The following RASGEF1B variants were observed in gnomAD, a reference collection of about 807,000 sequenced individuals.
The protein encoded by RASGEF1B is ras-GEF domain-containing family member 1B.
RASGEF1B carries 30 observed loss-of-function variants against 65.7 expected under a neutral mutation model. The observed-to-expected ratio is 0.46, with a 90% CI of 0.34 to 0.62. RASGEF1B has a LOEUF of 0.62. Among genes scored for constraint, RASGEF1B ranks in the 20% least tolerant of loss-of-function variants. The pLI is 0.01. For synonymous variants in RASGEF1B, 175 were observed against 194.8 expected, an observed-to-expected ratio of 0.90 and a Z score of 0.85; for missense variants, 495 against 580.1, an observed-to-expected ratio of 0.85 and a Z score of 1.51.
At chr4:81,442,515 T>C in intron 8 of RASGEF1B, 139 bp from the exon 9 acceptor site, 1 of 632,578 alleles carries the variant, frequency 1.6e-6, no homozygotes, top group Non-Finnish European at 2.8e-6. Context: ...TCCAATTTTA[T>C]AACTTTTTTT....
intron 8 of RASGEF1B, among the ~76,000 whole-genome samples, chr4:81,442,717 A>G (rs761381285): frequency 1.4e-4 from 22 of 152,262 alleles, no homozygotes; most frequent in Non-Finnish European, 2.6e-4. Flanking sequence ...AGATAACTAC[A>G]TAAACAAATG....
At chr4:81,447,645 T>C (rs1413184140) in intron 5 of RASGEF1B, 67 bp from the exon 6 acceptor site, 1 of 1,158,252 alleles carries the variant, frequency 8.6e-7, no homozygotes, top group Non-Finnish European at 1.3e-6. Flanking sequence ...GTCAACTCCC[T>C]CTATGACTAT....
chr4:81,433,810 C>G, intron 12 of RASGEF1B, 30 bp downstream of exon 12: 1 of 1,607,142 alleles, frequency 6.2e-7, no homozygotes, highest in Non-Finnish European at 8.5e-7. Flanking sequence ...TTTGGGGATG[C>G]TAGTGGTAGC....
chr4:81,448,960 A>T (rs937096581), intron 4 of RASGEF1B, among the ~76,000 whole-genome samples: 1 of 152,068 alleles, frequency 6.6e-6, no homozygotes, highest in African/African-American at 2.4e-5. Context: ...GATTACAGGC[A>T]TGTGCCACCA....
At chr4:81,458,742 A>G (rs1379225397) in intron 2 of RASGEF1B, among the ~76,000 whole-genome samples, 2 of 152,178 alleles carry the variant, frequency 1.3e-5, no homozygotes, top group East Asian at 1.9e-4. Flanking sequence ...AACACTCTGA[A>G]TCGTTTTCTC....
chr4:81,456,292 G>GT (rs1343941970), intron 4 of RASGEF1B: 1 of 577,396 alleles, frequency 1.7e-6, no homozygotes, highest in Non-Finnish European at 3.0e-6. Context: ...ATCCACTAGT[G>GT]TTTATGTCTA....
At chr4:81,459,094 G>T in intron 2 of RASGEF1B, 1 of 418,654 alleles carries the variant, frequency 2.4e-6, no homozygotes, top group Non-Finnish European at 4.2e-6. Flanking sequence ...GATGGTATCA[G>T]ACCATCTACA....
intron 13 of RASGEF1B, among the ~76,000 whole-genome samples, chr4:81,429,604 C>T (rs998163002): frequency 6.6e-6 from 1 of 152,206 alleles, no homozygotes; most frequent in Admixed American, 6.5e-5. Flanking sequence ...CTATAAAAAC[C>T]CGAGACCGCC....
At chr4:81,466,817 A>AGAAAGAAAGAAAGAAAGAAAGAAAG (rs1553947168) in intron 1 of RASGEF1B, among the ~76,000 whole-genome samples, 2 of 149,606 alleles carry the variant, frequency 1.3e-5, no homozygotes, top group African/African-American at 5.0e-5. Context: ...AAAGAAAGAA[A>AGAAAGAAAGAAAGAAAGAAAGAAAG]GAAAGAAAAT....
At chr4:81,465,902 G>A (rs897061127) in intron 1 of RASGEF1B, among the ~76,000 whole-genome samples, 1 of 152,060 alleles carries the variant, frequency 6.6e-6, no homozygotes, top group Non-Finnish European at 1.5e-5. Flanking sequence ...GAAAGAGACA[G>A]AAAATGTAAG....
Position 81,427,124 on chromosome 4 carries a change from G to C in RASGEF1B, c.*644C>G, listed in dbSNP as rs1560689273. On this transcript the variant is annotated 3_prime_UTR_variant, in exon 14 of 14. Transcript: ENST00000264400. ...CATTATTATATTAAATAACTTATATGGGTAAAAAGGAGTTTGCTAACCAGC... is the reference window on the plus strand; with the variant it reads ...CATTATTATATTAAATAACTTATATCGGTAAAAAGGAGTTTGCTAACCAGC... 2 of 152,068 alleles carry C rather than the reference G, an allele frequency of 1.3e-5. No homozygotes were observed. Among genetic ancestry groups the C allele is most frequent in the Admixed American group, 1.3e-4 (2 of 15,212 alleles). 9.4% of individuals were successfully genotyped at this position (152,068 alleles called of 1,614,324 possible). A position where few individuals can be genotyped will look rare whatever the true frequency, so the allele number is the denominator to read the frequency against.
chr4:81,444,826 G>A (rs1034699999), intron 8 of RASGEF1B, among the ~76,000 whole-genome samples: 6 of 152,196 alleles, frequency 3.9e-5, no homozygotes, highest in Non-Finnish European at 7.3e-5. Context: ...GAGCCACTGT[G>A]CCCAGCCTAT....
chr4:81,428,651 T>C (rs1721311796), intron 13 of RASGEF1B, among the ~76,000 whole-genome samples: 1 of 152,260 alleles, frequency 6.6e-6, no homozygotes, highest in Admixed American at 6.5e-5. Flanking sequence ...AGAGGATGCA[T>C]ATGGCTATAT....
chr4:81,455,160 G>A (rs1190711300), intron 4 of RASGEF1B: 1 of 152,184 alleles, frequency 6.6e-6, no homozygotes, highest in African/African-American at 2.4e-5. Context: ...ATTGCGGCTG[G>A]GTGCAGTGAC....
chr4:81,440,972 T>C, intron 9 of RASGEF1B, 43 bp from the exon 10 acceptor site: 1 of 1,304,366 alleles, frequency 7.7e-7, no homozygotes, highest in Non-Finnish European at 1.1e-6. Flanking sequence ...TTATTTATTG[T>C]AAACTTCTGT....
At position 81,433,911 on chromosome 4, in the gene RASGEF1B, A is replaced by G. The variant is rs142451038; in HGVS notation, c.1253T>C (p.Val418Ala). The change falls in exon 12 of 14, where the codon GTG becomes GCG. Residue 418 changes from valine (V) to alanine (A), a missense_variant. Coordinates refer to ENST00000264400, the MANE Select transcript of RASGEF1B (RefSeq NM_152545.3). ...QVSEFMTWKQ[V>A]ECPFERDRKI... ...CCGGTCCCTCTCAAATGGACACTCC[A>G]CTTGTTTCCATGTCATAAATTCACT... 161 of 1,613,700 alleles carry G rather than the reference A, an allele frequency of 1.0e-4. No individual in the cohort carries two copies. The highest frequency in any genetic ancestry group is 1.3e-4 in the Non-Finnish European group (155 of 1,179,760).
Position 81,445,846 on chromosome 4 carries a change from G to T in RASGEF1B, c.730-8C>A. Reference sequence around the variant, plus strand: ...CCGTTCACTGTAGCAACTCTTTAGAGAAAACAAAGTAAACAGATGAGTTAG... The same window carrying T: ...CCGTTCACTGTAGCAACTCTTTAGATAAAACAAAGTAAACAGATGAGTTAG... On this transcript the variant is annotated splice_polypyrimidine_tract_variant and splice_region_variant and intron_variant, in intron 6 of 13. Coordinates refer to ENST00000264400, the MANE Select transcript of RASGEF1B (RefSeq NM_152545.3). The T allele has an allele frequency of 6.2e-7, 1 of 1,605,212 alleles. No individual in the cohort carries two copies. Among genetic ancestry groups the T allele is most frequent in the South Asian group, 1.1e-5 (1 of 90,666 alleles).
intron 10 of RASGEF1B, among the ~76,000 whole-genome samples, chr4:81,435,380 C>T (rs572716477): frequency 4.9e-5 from 7 of 142,040 alleles, no homozygotes; most frequent in East Asian, 2.1e-4. Flanking sequence ...CACTGCAGTC[C>T]GCAGTCCGGC....
chr4:81,470,756 C>T (rs1253192358), intron 1 of RASGEF1B, among the ~76,000 whole-genome samples: 1 of 152,184 alleles, frequency 6.6e-6, no homozygotes, highest in African/African-American at 2.4e-5. Flanking sequence ...GCCGTCTAGA[C>T]AATCTCCTTG....
Sources: allele counts gnomAD v4.1 joint callset (sites outside exome capture counted in the v4.1 genomes callset), GRCh38; gene constraint gnomAD v4.1.1; transcripts MANE v1.5; gene names NCBI Gene and HGNC (gene_info 2026-07-23, HGNC 2026-07-21).